SFXN1: variants seen among roughly 807,000 people sequenced by gnomAD.
SFXN1 encodes sideroflexin 1.
In SFXN1, 32 loss-of-function variants were observed where a neutral mutation model predicts 39.5. That is an observed-to-expected ratio of 0.81 (90% CI 0.61 to 1.09). The LOEUF is 1.09. SFXN1 is among the 50% of genes least tolerant of loss of function. The pLI is 0.00. For synonymous variants in SFXN1, 136 were observed against 146.5 expected (o/e 0.93, Z 0.52); for missense variants, 402 against 407.1 (o/e 0.99, Z 0.11).
chr5:175,509,203 G>C lies in SFXN1; in HGVS notation c.335+1G>C. 6.2e-7 allele frequency: 1 copy of C among 1,609,324 alleles called. No individual in the cohort carries two copies. Among genetic ancestry groups the C allele is most frequent in the Non-Finnish European group, 8.5e-7 (1 of 1,177,944 alleles). Reference sequence around the variant, plus strand: ...CAGGTTGTATGATGACGTTTTACAGGTATGTTATGAATATGTAGCAACAGT... The same window carrying C: ...CAGGTTGTATGATGACGTTTTACAGCTATGTTATGAATATGTAGCAACAGT... On this transcript the variant is annotated splice_donor_variant, in intron 3 of 10. Transcript: ENST00000321442. LOFTEE classifies it high-confidence loss of function.
At chr5:175,510,072 A>C (rs372318864) in intron 3 of SFXN1, 37 bp from the exon 4 acceptor site, 6 of 1,566,524 alleles carry the variant, frequency 3.8e-6, no homozygotes, top group Non-Finnish European at 4.4e-6. Context: ...GGCTGGGCCC[A>C]GTGATGGTGG....
At chr5:175,515,162 G>A (rs1279618153) in intron 7 of SFXN1, among the ~76,000 whole-genome samples, 5 of 152,144 alleles carry the variant, frequency 3.3e-5, no homozygotes, top group African/African-American at 7.2e-5. Flanking sequence ...GACTACAGGC[G>A]TGCGCCACCA....
intron 2 of SFXN1, among the ~76,000 whole-genome samples, chr5:175,503,209 A>G (rs916647562): frequency 2.6e-5 from 4 of 152,226 alleles, no homozygotes; most frequent in African/African-American, 9.6e-5. Context: ...AAAGTGGATG[A>G]CTTTTATGGT....
At chr5:175,512,597 A>G (rs1040766128) in intron 6 of SFXN1, among the ~76,000 whole-genome samples, 1 of 152,238 alleles carries the variant, frequency 6.6e-6, no homozygotes, top group South Asian at 2.1e-4. Flanking sequence ...TTGGGGCTTA[A>G]AGTACATTAT....
intron 2 of SFXN1, among the ~76,000 whole-genome samples, chr5:175,496,100 G>A (rs1561658852): frequency 6.6e-6 from 1 of 151,864 alleles, no homozygotes; most frequent in Non-Finnish European, 1.5e-5. Context: ...CTTTCTCCAT[G>A]TTGGTCAGAC....
At chr5:175,506,508 G>T (rs933106659) in intron 2 of SFXN1, among the ~76,000 whole-genome samples, 5 of 152,202 alleles carry the variant, frequency 3.3e-5, no homozygotes, top group African/African-American at 1.2e-4. Context: ...TTGGATGTGG[G>T]GATAGATTTA....
intron 8 of SFXN1, among the ~76,000 whole-genome samples, chr5:175,518,732 CTA>C (rs1760790901): frequency 6.6e-6 from 1 of 152,140 alleles, no homozygotes; most frequent in Admixed American, 6.6e-5. Context: ...AAGGAATTGA[CTA>C]TACCATATAT....
At chr5:175,483,979 C>T (rs996031558) in intron 1 of SFXN1, 2 of 152,252 alleles carry the variant, frequency 1.3e-5, no homozygotes, top group Admixed American at 1.3e-4. Flanking sequence ...TAGTGTGTCC[C>T]TCTGAGGGAC....
At chr5:175,511,311 G>A in intron 4 of SFXN1, 140 bp from the exon 5 acceptor site, 2 of 658,218 alleles carry the variant, frequency 3.0e-6, no homozygotes, top group South Asian at 3.8e-5. Flanking sequence ...TACTTGTGGA[G>A]TGATAGTGAA....
chr5:175,480,673 TC>T (rs1372761721), intron 1 of SFXN1, among the ~76,000 whole-genome samples: 1 of 152,198 alleles, frequency 6.6e-6, no homozygotes, highest in Non-Finnish European at 1.5e-5. Context: ...GCAGGGAATA[TC>T]CCTTCCTGCT....
intron 2 of SFXN1, 165 bp downstream of exon 2, chr5:175,492,432 C>T: frequency 1.6e-6 from 1 of 607,624 alleles, no homozygotes; most frequent in Non-Finnish European, 2.7e-6. Flanking sequence ...CCTGTTATAT[C>T]CCCCATTGCT....
intron 1 of SFXN1, among the ~76,000 whole-genome samples, chr5:175,488,802 G>A (rs1314765725): frequency 6.6e-6 from 1 of 152,178 alleles, no homozygotes; most frequent in Non-Finnish European, 1.5e-5. Flanking sequence ...AGGCTGAGGT[G>A]GGAGGATCAG....
intron 10 of SFXN1, among the ~76,000 whole-genome samples, chr5:175,525,356 T>C (rs1433876700): frequency 6.6e-6 from 1 of 152,192 alleles, no homozygotes; most frequent in South Asian, 2.1e-4. Flanking sequence ...TTCCTAAGGG[T>C]TAAAATGCAT....
At chr5:175,495,743 G>T (rs1759834297) in intron 2 of SFXN1, among the ~76,000 whole-genome samples, 1 of 150,408 alleles carries the variant, frequency 6.6e-6, no homozygotes, top group South Asian at 2.1e-4. Context: ...AAAAAAAAGG[G>T]TTAAAATGGT....
chr5:175,522,772 C>T (rs1760921931), intron 10 of SFXN1: 1 of 186,076 alleles, frequency 5.4e-6, no homozygotes, highest in African/African-American at 2.3e-5. Flanking sequence ...GCAAGTTCCA[C>T]CCCCAGGGAC....
intron 1 of SFXN1, among the ~76,000 whole-genome samples, chr5:175,486,651 G>A (rs1054582009): frequency 2.0e-5 from 3 of 152,100 alleles, no homozygotes; most frequent in African/African-American, 7.2e-5. Flanking sequence ...GGTGGCAGAC[G>A]CCTGTAGTCC....
Position 175,509,025 on chromosome 5 carries a change from T to G in SFXN1, c.165-7T>G. ...AGCAATTGCCATATTATTTGTTGTTTTCTTAGGCAAGGAATTGTTCCTCCT... is the reference window on the plus strand; with the variant it reads ...AGCAATTGCCATATTATTTGTTGTTGTCTTAGGCAAGGAATTGTTCCTCCT... On this transcript the variant is annotated splice_polypyrimidine_tract_variant and splice_region_variant and intron_variant, in intron 2 of 10. Transcript: ENST00000321442. The G allele has an allele frequency of 6.3e-7, 1 of 1,598,814 alleles. No homozygotes were observed. The highest frequency in any genetic ancestry group is 8.5e-7 in the Non-Finnish European group (1 of 1,172,508).
chr5:175,497,819 A>G (rs1441818899), intron 2 of SFXN1, among the ~76,000 whole-genome samples: 1 of 151,812 alleles, frequency 6.6e-6, no homozygotes, highest in African/African-American at 2.4e-5. Flanking sequence ...AATCCCAGCT[A>G]CTGGGGAAGC....
At chr5:175,521,543 A>G (rs1760879378) in intron 8 of SFXN1, among the ~76,000 whole-genome samples, 1 of 152,238 alleles carries the variant, frequency 6.6e-6, no homozygotes, top group South Asian at 2.1e-4. Context: ...CCCCACAGTC[A>G]GGAACTAACC....
Sources: gnomAD v4.1 joint callset for allele counts (sites outside exome capture counted in the v4.1 genomes callset) on GRCh38, gnomAD v4.1.1 for gene constraint, MANE v1.5 for transcripts, NCBI Gene and HGNC (gene_info 2026-07-23, HGNC 2026-07-21) for gene names.